Variants in KAZN observed in about 807,000 individuals in gnomAD.
KAZN encodes the protein kazrin, periplakin interacting protein, also known as kazrin.
A neutral mutation model predicts 87.4 loss-of-function variants in KAZN; 40 were observed. The observed-to-expected ratio is 0.46, with a 90% CI of 0.36 to 0.60. The LOEUF is 0.60. Among genes scored for constraint, KAZN ranks in the 20% least tolerant of loss-of-function variants. The probability of loss-of-function intolerance (pLI) is 0.00; values close to 1 mark genes in which losing one functional copy is unlikely to be tolerated. For synonymous variants in KAZN, 466 were observed against 458.3 expected (o/e 1.02, Z -0.22); for missense variants, 898 against 1,073.9 (o/e 0.84, Z 2.29).
intron 1 of KAZN, among the ~76,000 whole-genome samples, chr1:14,663,589 A>C (rs948257013): frequency 2.6e-5 from 4 of 152,208 alleles, no homozygotes; most frequent in Non-Finnish European, 5.9e-5. Flanking sequence ...ATTAAAAGCC[A>C]ATGAGTTATA....
At chr1:14,490,637 C>A (rs944250179) in intron 2 of KAZN, among the ~76,000 whole-genome samples, 1 of 152,118 alleles carries the variant, frequency 6.6e-6, no homozygotes, top group Middle Eastern at 3.2e-3. Context: ...GGATTACAGG[C>A]GTGTGCCACC....
chr1:14,570,397 C>G (rs1674792074), intron 2 of KAZN, among the ~76,000 whole-genome samples: 1 of 152,206 alleles, frequency 6.6e-6, no homozygotes, highest in African/African-American at 2.4e-5. Flanking sequence ...TCCTCCTCCT[C>G]CCAATTCCTA....
intron 1 of KAZN, among the ~76,000 whole-genome samples, chr1:14,846,335 G>C (rs1272012360): frequency 6.6e-6 from 1 of 152,118 alleles, no homozygotes; most frequent in African/African-American, 2.4e-5. Flanking sequence ...ACTAGAGTTT[G>C]AGATCAAGCG....
intron 8 of KAZN, among the ~76,000 whole-genome samples, chr1:15,070,784 TGAGCCGAGATC>T (rs1639471105): frequency 6.6e-6 from 1 of 152,168 alleles, no homozygotes; most frequent in African/African-American, 2.4e-5. Context: ...GAGGCTGCAA[TGAGCCGAGATC>T]GAGCCACTGC....
At chr1:14,077,824 C>T (rs932381604) in intron 1 of KAZN, among the ~76,000 whole-genome samples, 4 of 151,942 alleles carry the variant, frequency 2.6e-5, no homozygotes, top group Non-Finnish European at 4.4e-5. Context: ...ACACCAAGAC[C>T]GACACAGAGG....
chr1:14,666,976 C>T (rs1431115535), intron 1 of KAZN, among the ~76,000 whole-genome samples: 4 of 152,120 alleles, frequency 2.6e-5, no homozygotes, highest in Non-Finnish European at 4.4e-5. Context: ...CGTCGTGATC[C>T]GCCCACTTCG....
intron 1 of KAZN, among the ~76,000 whole-genome samples, chr1:14,083,383 A>G (rs1055629728): frequency 2.6e-5 from 4 of 152,240 alleles, no homozygotes; most frequent in East Asian, 1.9e-4. Context: ...ATTGAATTCT[A>G]TCTCTGTTAC....
intron 2 of KAZN, among the ~76,000 whole-genome samples, chr1:14,367,920 A>T (rs572801040): frequency 6.6e-6 from 1 of 152,208 alleles, no homozygotes; most frequent in African/African-American, 2.4e-5. Flanking sequence ...TGACCCCTTT[A>T]TATCTTTCAA....
At chr1:14,398,083 G>T (rs1316391458) in intron 2 of KAZN, among the ~76,000 whole-genome samples, 16 of 152,142 alleles carry the variant, frequency 1.1e-4, no homozygotes, top group Admixed American at 9.8e-4. Flanking sequence ...GCCTATAGCT[G>T]CTCGCTCCCT....
At chr1:14,257,650 A>C (rs1430520253) in intron 2 of KAZN, among the ~76,000 whole-genome samples, 1 of 150,250 alleles carries the variant, frequency 6.7e-6, no homozygotes, top group African/African-American at 2.5e-5. Flanking sequence ...TTTTTGTATA[A>C]GATGTAAGGA....
rs1671743501 is a variant in KAZN at position 15,031,848 on chromosome 1, C to A, written c.419-2901C>A. On this transcript the variant is annotated intron_variant, in intron 2 of 14. Transcript: ENST00000376030. Reference sequence around the variant, plus strand: ...CTAGTCTCGAGCTCCTGGACTCAAGCAATCCTCCTGGAAGATCCCAAGGTG... The same window carrying A: ...CTAGTCTCGAGCTCCTGGACTCAAGAAATCCTCCTGGAAGATCCCAAGGTG... Among the ~76,000 whole-genome samples, 3 of 152,112 alleles carry A rather than the reference C, an allele frequency of 2.0e-5. No individual in the cohort carries two copies. In the South Asian group the frequency reaches 6.2e-4, roughly 32 times the overall value.
intron 1 of KAZN, among the ~76,000 whole-genome samples, chr1:14,624,534 G>T (rs12075133): frequency 0.083 from 12,648 of 151,998 alleles, 1,747 homozygotes; most frequent in African/African-American, 0.29. Flanking sequence ...ATTATGTGCA[G>T]AAATATTTAG....
intron 2 of KAZN, among the ~76,000 whole-genome samples, chr1:14,287,570 G>A (rs1260961726): frequency 6.6e-6 from 1 of 152,190 alleles, no homozygotes; most frequent in Non-Finnish European, 1.5e-5. Context: ...TCAGCTTAAG[G>A]AGATTTTGGG....
chr1:15,089,732 C>CAAAAAAAAAAA (rs56260619), intron 8 of KAZN, among the ~76,000 whole-genome samples: 16 of 68,914 alleles, frequency 2.3e-4, no homozygotes, highest in South Asian at 1.8e-3. Flanking sequence ...CTTTTATTGG[C>CAAAAAAAAAAA]AAAAAAAAAA....
chr1:14,838,915 C>A (rs1171149460), intron 1 of KAZN, among the ~76,000 whole-genome samples: 13 of 152,196 alleles, frequency 8.5e-5, no homozygotes, highest in Admixed American at 8.5e-4. Context: ...AGCCACCGCA[C>A]CTGGCCCTGA....
intron 2 of KAZN, among the ~76,000 whole-genome samples, chr1:14,386,797 G>A (rs1474789214): frequency 6.6e-6 from 1 of 151,960 alleles, no homozygotes; most frequent in Non-Finnish European, 1.5e-5. Flanking sequence ...GTGTCTTGGA[G>A]TTGCTCTTCT....
intron 1 of KAZN, among the ~76,000 whole-genome samples, chr1:14,754,703 T>C (rs1221620655): frequency 6.6e-6 from 1 of 152,148 alleles, no homozygotes; most frequent in Non-Finnish European, 1.5e-5. Context: ...TGTTTGTGGC[T>C]GAGGTTCATG....
At chr1:14,450,985 G>A (rs1401048054) in intron 2 of KAZN, among the ~76,000 whole-genome samples, 2 of 151,956 alleles carry the variant, frequency 1.3e-5, no homozygotes, top group African/African-American at 2.4e-5. Flanking sequence ...GTGTAAAAGT[G>A]TGCAGCATCT....
intron 1 of KAZN, among the ~76,000 whole-genome samples, chr1:14,036,097 C>T (rs76509991): frequency 1.1e-3 from 164 of 152,182 alleles, no homozygotes; most frequent in African/African-American, 3.9e-3. Context: ...CAGGAGCATC[C>T]CTGGCAGGGG....
Sources: allele counts gnomAD v4.1 joint callset (sites outside exome capture counted in the v4.1 genomes callset), GRCh38; gene constraint gnomAD v4.1.1; transcripts MANE v1.5; gene names NCBI Gene and HGNC (gene_info 2026-07-23, HGNC 2026-07-21).